The following SRBD1 variants were observed in gnomAD, a reference collection of about 807,000 sequenced individuals.
The protein encoded by SRBD1 is S1 RNA-binding domain-containing protein 1.
SRBD1 carries 88 observed loss-of-function variants against 115.3 expected under a neutral mutation model. The ratio of observed to expected loss-of-function variants is 0.76; its 90% CI spans 0.64 to 0.91. The LOEUF is 0.91. SRBD1 is among the 40% of genes least tolerant of loss of function. The pLI, the probability that SRBD1 is intolerant of heterozygous loss-of-function variation, is 0.00. For synonymous variants in SRBD1, 509 were observed against 407.7 expected (o/e 1.25, Z -2.99); for missense variants, 1,385 against 1,177.4 (o/e 1.18, Z -2.58).
At chr2:45,411,775 G>C (rs1667610328) in intron 19 of SRBD1, among the ~76,000 whole-genome samples, 1 of 152,170 alleles carries the variant, frequency 6.6e-6, no homozygotes, top group African/African-American at 2.4e-5. Flanking sequence ...TTAGTGCAAA[G>C]TGTACCAATG....
intron 5 of SRBD1, among the ~76,000 whole-genome samples, chr2:45,584,357 G>A (rs1459940058): frequency 2.0e-5 from 3 of 152,132 alleles, no homozygotes; most frequent in Non-Finnish European, 4.4e-5. Context: ...TGGAACATTT[G>A]CATCTGAGAC....
intron 15 of SRBD1, among the ~76,000 whole-genome samples, chr2:45,481,722 C>T (rs956793331): frequency 2.0e-5 from 3 of 151,806 alleles, no homozygotes; most frequent in South Asian, 2.1e-4. Flanking sequence ...AAAAATCTAT[C>T]AACTGATGAC....
At chr2:45,610,174 T>G (rs1306689633) in intron 1 of SRBD1, among the ~76,000 whole-genome samples, 1 of 151,974 alleles carries the variant, frequency 6.6e-6, no homozygotes, top group Non-Finnish European at 1.5e-5. Flanking sequence ...AATTTGGAGG[T>G]TGCTATGATG....
rs75942699 is a variant in SRBD1 at position 45,610,217 on chromosome 2, C to T, written c.-1+1002G>A. Among the ~76,000 whole-genome samples, 432 of 152,204 alleles carry T rather than the reference C, an allele frequency of 2.8e-3. 3 individuals are homozygous for T. Among genetic ancestry groups the T allele is most frequent in the African/African-American group, 0.01 (417 of 41,514 alleles). On this transcript the variant is annotated intron_variant, in intron 1 of 20. Transcript: ENST00000263736. ...GGGAAGAGCCACTAAACTAGGACGACTGCAAATCAGGACAAAGGGGCAAAA... is the reference window on the plus strand; with the variant it reads ...GGGAAGAGCCACTAAACTAGGACGATTGCAAATCAGGACAAAGGGGCAAAA...
chr2:45,599,843 A>G lies in SRBD1; in HGVS notation c.262-8T>C. On this transcript the variant is annotated splice_region_variant and splice_polypyrimidine_tract_variant and intron_variant, in intron 3 of 20. Transcript: ENST00000263736. Reference sequence around the variant, plus strand: ...AATAGCCACAGAGCTATTCTATCAAACCACAAAGAGAACATATGAGAATTA... The same window carrying G: ...AATAGCCACAGAGCTATTCTATCAAGCCACAAAGAGAACATATGAGAATTA... 6.3e-7 allele frequency: 1 copy of G among 1,598,828 alleles called. No individual in the cohort carries two copies. The highest frequency in any genetic ancestry group is 8.5e-7 in the Non-Finnish European group (1 of 1,174,394).
chr2:45,418,459 G>T lies in SRBD1; in HGVS notation c.2239C>A (p.Gln747Lys). 1 of 1,613,742 alleles carries T rather than the reference G, an allele frequency of 6.2e-7. No individual in the cohort carries two copies. Among genetic ancestry groups the T allele is most frequent in the South Asian group, 1.1e-5 (1 of 91,052 alleles). The stretch of plus-strand genomic sequence containing the variant: ...CCCAGCCCTTTCACTTTCTTCAGCT[G>T]TTCTCGGTTGATAAAGGGTCCATTT... ...EKNGPFINRE[Q>K]LKKVKGLGPK... The change falls in exon 18 of 21, where the codon CAG (glutamine) becomes AAG (lysine). Residue 747 changes from glutamine to lysine, a missense_variant. By Grantham distance (53) the Gln-to-Lys change is moderately conservative (BLOSUM62 1). Coordinates refer to ENST00000263736, the MANE Select transcript of SRBD1 (RefSeq NM_018079.5).
chr2:45,399,816 C>T (rs1202603402), intron 19 of SRBD1, among the ~76,000 whole-genome samples: 4 of 152,120 alleles, frequency 2.6e-5, no homozygotes, highest in Non-Finnish European at 4.4e-5. Flanking sequence ...CTCTCTACAG[C>T]TCAAAAACAC....
chr2:45,594,628 A>G (rs1487656766), intron 4 of SRBD1, among the ~76,000 whole-genome samples: 2 of 152,240 alleles, frequency 1.3e-5, no homozygotes. Context: ...GGATCAGGAA[A>G]TAGAAACAAA....
chr2:45,536,506 C>G (rs1671767851), intron 14 of SRBD1, among the ~76,000 whole-genome samples: 1 of 151,960 alleles, frequency 6.6e-6, no homozygotes, highest in African/African-American at 2.4e-5. Context: ...TCTGAATTGG[C>G]CTATTAAAAA....
chr2:45,513,982 T>G (rs1400343778), intron 14 of SRBD1, among the ~76,000 whole-genome samples: 1 of 152,172 alleles, frequency 6.6e-6, no homozygotes, highest in African/African-American at 2.4e-5. Context: ...GATTTGGACT[T>G]AAGTCCAAAC....
intron 5 of SRBD1, among the ~76,000 whole-genome samples, chr2:45,584,149 G>C (rs1673445973): frequency 2.0e-5 from 3 of 152,076 alleles, no homozygotes. Context: ...GGTCAAGAGT[G>C]GTTTTGTTTG....
At chr2:45,529,301 T>C (rs1459589564) in intron 14 of SRBD1, among the ~76,000 whole-genome samples, 1 of 151,762 alleles carries the variant, frequency 6.6e-6, no homozygotes, top group Non-Finnish European at 1.5e-5. Context: ...ACTAAGAAAA[T>C]GTAGTCAGAA....
intron 16 of SRBD1, among the ~76,000 whole-genome samples, chr2:45,466,286 A>T (rs927512906): frequency 5.3e-5 from 8 of 152,124 alleles, no homozygotes; most frequent in Non-Finnish European, 1.0e-4. Context: ...ACTACCCCAC[A>T]GGAGTCTCTC....
intron 10 of SRBD1, among the ~76,000 whole-genome samples, chr2:45,555,312 G>A (rs1223453776): frequency 6.6e-6 from 1 of 152,132 alleles, no homozygotes; most frequent in African/African-American, 2.4e-5. Context: ...TTGAGCCCAG[G>A]AGGTTGAAGC....
chr2:45,588,384 G>A (rs1190990980), intron 4 of SRBD1, among the ~76,000 whole-genome samples: 1 of 152,106 alleles, frequency 6.6e-6, no homozygotes, highest in African/African-American at 2.4e-5. Flanking sequence ...CCTTCATGAG[G>A]CTCCTCCCTC....
chr2:45,411,823 A>C (rs1342830908), intron 19 of SRBD1, among the ~76,000 whole-genome samples: 2 of 152,190 alleles, frequency 1.3e-5, no homozygotes, highest in African/African-American at 2.4e-5. Flanking sequence ...TCAAAAACAT[A>C]AGATGGGCCA....
intron 16 of SRBD1, among the ~76,000 whole-genome samples, chr2:45,468,884 T>C (rs1453561341): frequency 1.3e-5 from 2 of 152,204 alleles, no homozygotes; most frequent in Admixed American, 1.3e-4. Context: ...TCCACATGCT[T>C]GCTAACATCT....
At chr2:45,438,784 G>C (rs13010000) in intron 16 of SRBD1, among the ~76,000 whole-genome samples, 18,626 of 152,048 alleles carry the variant, frequency 0.12, 1,211 homozygotes, top group East Asian at 0.19. Flanking sequence ...AGTCCTGAGA[G>C]GGAAAGAGAG....
At chr2:45,609,428 C>G (rs1310776972) in intron 1 of SRBD1, among the ~76,000 whole-genome samples, 2 of 152,212 alleles carry the variant, frequency 1.3e-5, no homozygotes, top group Non-Finnish European at 2.9e-5. Context: ...ACTGCCCTCC[C>G]TACTTCCACT....
Sources: allele counts gnomAD v4.1 joint callset (sites outside exome capture counted in the v4.1 genomes callset), GRCh38; gene constraint gnomAD v4.1.1; transcripts MANE v1.5; gene names NCBI Gene and HGNC (gene_info 2026-07-23, HGNC 2026-07-21).